The following LARGE1 variants were observed in gnomAD, a reference collection of about 807,000 sequenced individuals.
The protein encoded by LARGE1 is xylosyl- and glucuronyltransferase LARGE1.
In LARGE1, 43 loss-of-function variants were observed where a neutral mutation model predicts 87.6. The ratio of observed to expected loss-of-function variants is 0.49; its 90% confidence interval spans 0.38 to 0.63. The LOEUF (loss-of-function observed/expected upper bound fraction) is 0.63. Ranked by LOEUF, LARGE1 falls within the 30% of genes least tolerant of loss-of-function variation. LARGE1 has a pLI of 0.00. For missense variants in LARGE1, 802 were observed against 1,000.2 expected (o/e 0.80, Z 2.67); for synonymous variants, 434 against 394.6 (o/e 1.10, Z -1.18).
chr22:33,839,206 T>C (rs2063197726), intron 1 of LARGE1, among the ~76,000 whole-genome samples: 1 of 152,164 alleles, frequency 6.6e-6, no homozygotes. Flanking sequence ...CTTACAATCA[T>C]GGTGGGAGGT....
intron 1 of LARGE1, among the ~76,000 whole-genome samples, chr22:33,878,947 T>C (rs2064571339): frequency 6.6e-6 from 1 of 151,086 alleles, no homozygotes; most frequent in South Asian, 2.1e-4. Flanking sequence ...CATAGTGACA[T>C]TTCTAGTCCC....
intron 11 of LARGE1, among the ~76,000 whole-genome samples, chr22:33,315,493 G>A (rs1936057219): frequency 6.6e-6 from 1 of 152,174 alleles, no homozygotes; most frequent in Non-Finnish European, 1.5e-5. Flanking sequence ...CTCTTCCTGA[G>A]GTAATTCGAG....
At chr22:33,120,366 C>CTT in the LARGE1 span, among the ~76,000 whole-genome samples, 6 of 139,896 alleles carry the variant, frequency 4.3e-5, no homozygotes, top group East Asian at 2.4e-4. Flanking sequence ...CTTTTTCTTT[C>CTT]TTTCTTTCTT....
At chr22:33,164,094 T>C (rs548612218) in exon 12 of LARGE1, 7 of 152,326 alleles carry the variant, frequency 4.6e-5, no homozygotes, top group African/African-American at 1.7e-4. Context: ...AGAGCATGGA[T>C]ATGACCAAAC....
At chr22:33,161,003 C>T (rs1336574656), downstream of LARGE1, among the ~76,000 whole-genome samples, 4 of 152,202 alleles carry the variant, frequency 2.6e-5, no homozygotes, top group Non-Finnish European at 1.5e-5. Flanking sequence ...AAAGAACTGC[C>T]TGAGACTGAG....
Position 33,509,323 on chromosome 22 carries a change from T to C in LARGE1, c.787+55525A>G, listed in dbSNP as rs117827871. Among the ~76,000 whole-genome samples, 26 of 152,128 alleles carry C rather than the reference T, an allele frequency of 1.7e-4. No individual in the cohort carries two copies. In the East Asian group the frequency reaches 4.8e-3, roughly 28 times the overall value. On this transcript the variant is annotated intron_variant, in intron 6 of 14. Transcript: ENST00000397394. ...AACCTGATCCAAGACCCTCTCCCCA[T>C]CTCATCTGTCTCATCTGCAAAATGG...
the LARGE1 span, among the ~76,000 whole-genome samples, chr22:33,069,354 G>A: frequency 6.6e-6 from 1 of 152,092 alleles, no homozygotes; most frequent in Non-Finnish European, 1.5e-5. Context: ...TCTGTGTCAC[G>A]TTTTCTCAAA....
intron 11 of LARGE1, among the ~76,000 whole-genome samples, chr22:33,183,106 T>C (rs147340520): frequency 1.3e-5 from 2 of 151,860 alleles, no homozygotes; most frequent in East Asian, 3.9e-4. Flanking sequence ...ATATATGATA[T>C]ATAAGATATA....
At chr22:33,316,294 AG>A (rs755440488) in intron 10 of LARGE1, 46 bp from the exon 11 acceptor site, 3 of 1,600,918 alleles carry the variant, frequency 1.9e-6, no homozygotes, top group Non-Finnish European at 2.6e-6. Context: ...AAGAGGTCCG[AG>A]GGGGCCCATG....
chr22:33,083,298 A>G, the LARGE1 span, among the ~76,000 whole-genome samples: 5 of 152,118 alleles, frequency 3.3e-5, no homozygotes, highest in South Asian at 1.0e-3. Flanking sequence ...GCCTTCCTTG[A>G]CTTTTCACTT....
Position 33,661,533 on chromosome 22 carries a change from T to C in LARGE1, c.107-10865A>G, listed in dbSNP as rs533408840. ...CCTGGCATTTCTGTGATTTTTTTTT[T>C]TTAAATGAGGAGCACTGACAATAAT... On this transcript the variant is annotated intron_variant, in intron 2 of 14. Coordinates refer to ENST00000397394, the MANE Select transcript of LARGE1 (RefSeq NM_133642.5). 1.2e-4 allele frequency among the ~76,000 whole-genome samples: 19 copies of C among 152,108 alleles called. No homozygotes were observed. The East Asian group carries it at 3.7e-3, about 29-fold the overall frequency.
intron 12 of LARGE1, among the ~76,000 whole-genome samples, chr22:33,296,249 T>C (rs558345696): frequency 6.6e-6 from 1 of 152,318 alleles, no homozygotes; most frequent in South Asian, 2.1e-4. Flanking sequence ...CAGATCCCAC[T>C]TGCATGGACA....
At chr22:33,241,391 G>T (rs1013812590) in intron 11 of LARGE1, among the ~76,000 whole-genome samples, 1 of 152,130 alleles carries the variant, frequency 6.6e-6, no homozygotes, top group Non-Finnish European at 1.5e-5. Flanking sequence ...GCAGCACCTA[G>T]CCCATGATGC....
chr22:33,541,014 T>TGTAG (rs1427562036), intron 6 of LARGE1, among the ~76,000 whole-genome samples: 1 of 130,170 alleles, frequency 7.7e-6, no homozygotes, highest in Non-Finnish European at 1.6e-5. Flanking sequence ...GGTGCACACC[T>TGTAG]GTAGTTACAG....
rs564560222 is a variant in LARGE1, at chr22:33,370,517, A to G, written c.1131+11402T>C. ...ATTAGCATTTAAGTTTAGCTATGTA[A>G]AAAGGTCCCAATTTTGAGAGAAATA... On this transcript the variant is annotated intron_variant, in intron 9 of 14. Transcript: ENST00000397394. Among the ~76,000 whole-genome samples the G allele has an allele frequency of 1.4e-3, 206 of 152,306 alleles. 2 individuals are homozygous for G. The highest frequency in any genetic ancestry group is 4.8e-3 in the African/African-American group (200 of 41,572).
intron 11 of LARGE1, among the ~76,000 whole-genome samples, chr22:33,243,344 A>C (rs1314294639): frequency 6.6e-6 from 1 of 152,232 alleles, no homozygotes; most frequent in Non-Finnish European, 1.5e-5. Flanking sequence ...CAAGATATAA[A>C]ACATTTTTTA....
intron 6 of LARGE1, among the ~76,000 whole-genome samples, chr22:33,491,238 G>C (rs1050233540): frequency 1.3e-5 from 2 of 152,072 alleles, no homozygotes; most frequent in Non-Finnish European, 2.9e-5. Flanking sequence ...TTAAAAGCTC[G>C]AGGGCACTAA....
chr22:33,805,193 C>A (rs1401750547), intron 1 of LARGE1, among the ~76,000 whole-genome samples: 1 of 152,126 alleles, frequency 6.6e-6, no homozygotes, highest in Non-Finnish European at 1.5e-5. Flanking sequence ...GCTGAATATA[C>A]CTTAAAGACA....
chr22:33,463,729 G>A (rs538271981), intron 6 of LARGE1, among the ~76,000 whole-genome samples: 42 of 152,228 alleles, frequency 2.8e-4, no homozygotes, highest in African/African-American at 1.0e-3. Flanking sequence ...CTGGAGTGCC[G>A]TGGCGCAACC....
Sources: gnomAD v4.1 joint callset for allele counts (sites outside exome capture counted in the v4.1 genomes callset) on GRCh38, gnomAD v4.1.1 for gene constraint, MANE v1.5 for transcripts, NCBI Gene and HGNC (gene_info 2026-07-23, HGNC 2026-07-21) for gene names.